RNF216: variants seen among roughly 807,000 people sequenced by gnomAD.
RNF216 encodes E3 ubiquitin-protein ligase RNF216.
In RNF216, 72 loss-of-function variants were observed where a neutral mutation model predicts 110.8. The ratio of observed to expected loss-of-function variants is 0.65; its 90% confidence interval spans 0.54 to 0.79. The LOEUF is 0.79. Ranked by LOEUF, RNF216 falls within the 30% of genes least tolerant of loss-of-function variation. The probability of loss-of-function intolerance (pLI) is 0.00; values close to 1 mark genes in which losing one functional copy is unlikely to be tolerated. For missense variants in RNF216, 1,342 were observed against 1,141.2 expected, an observed-to-expected ratio of 1.18 and a Z score of -2.54; for synonymous variants, 495 against 407.5, an observed-to-expected ratio of 1.21 and a Z score of -2.59.
In RNF216 at chr7:5,623,210, A is replaced by C. The variant is rs1189690374; in HGVS notation, c.2453-31T>G. 2.0e-6 allele frequency: 3 copies of C among 1,522,122 alleles called. No homozygotes were observed. In the Admixed American group the frequency reaches 6.1e-5, roughly 31 times the overall value. 94.3% of individuals were successfully genotyped at this position (1,522,122 alleles called of 1,614,324 possible). The stretch of plus-strand genomic sequence containing the variant: ...AGGGATGTGGGGATTAGTGGAGAAA[A>C]ACATTAAACCAACCTCAATGGAATC... On this transcript the variant is annotated intron_variant, in intron 16 of 16. Coordinates refer to ENST00000389902, the MANE Select transcript of RNF216 (RefSeq NM_207111.4).
intron 15 of RNF216, among the ~76,000 whole-genome samples, chr7:5,634,309 G>A (rs1384070247): frequency 1.3e-5 from 2 of 152,204 alleles, no homozygotes; most frequent in Non-Finnish European, 2.9e-5. Context: ...AGATTCTGGG[G>A]GTGGGTTGGG....
intron 13 of RNF216, among the ~76,000 whole-genome samples, chr7:5,662,978 CT>C (rs1789247725): frequency 1.3e-5 from 2 of 152,158 alleles, no homozygotes; most frequent in South Asian, 4.1e-4. Context: ...CCCACACCCC[CT>C]ATGCCCTCAA....
chr7:5,728,729 G>A (rs1377291531), intron 7 of RNF216, among the ~76,000 whole-genome samples: 2 of 152,178 alleles, frequency 1.3e-5, no homozygotes, highest in African/African-American at 4.8e-5. Context: ...TTTGTCCTTT[G>A]GACAAAAGAA....
At chr7:5,769,406 G>T (rs1035922269) in intron 1 of RNF216, among the ~76,000 whole-genome samples, 3 of 148,036 alleles carry the variant, frequency 2.0e-5, no homozygotes, top group Non-Finnish European at 1.5e-5. Flanking sequence ...GTGAGCCACC[G>T]CGCCTGGCCG....
intron 1 of RNF216, among the ~76,000 whole-genome samples, chr7:5,773,071 T>G (rs1291132365): frequency 6.6e-6 from 1 of 152,026 alleles, no homozygotes; most frequent in Non-Finnish European, 1.5e-5. Flanking sequence ...TGAGCCACCA[T>G]GCCTGGCCCC....
At chr7:5,655,529 C>A (rs1393828729) in intron 13 of RNF216, among the ~76,000 whole-genome samples, 1 of 152,076 alleles carries the variant, frequency 6.6e-6, no homozygotes, top group Admixed American at 6.5e-5. Flanking sequence ...TTGCTTGAAC[C>A]TGGGGGGCGG....
At chr7:5,674,347 T>TG (rs1790129782) in intron 13 of RNF216, among the ~76,000 whole-genome samples, 1 of 151,686 alleles carries the variant, frequency 6.6e-6, no homozygotes, top group East Asian at 1.9e-4. Flanking sequence ...TTAGTACAGA[T>TG]GGGATTTCAC....
chr7:5,694,090 T>G (rs550175437), intron 13 of RNF216, among the ~76,000 whole-genome samples: 5 of 152,182 alleles, frequency 3.3e-5, no homozygotes, highest in African/African-American at 9.7e-5. Flanking sequence ...CCAAGGAAAT[T>G]ATACCACTTA....
chr7:5,630,692 CTGATCACTCTTATA>C (rs1654000649), intron 15 of RNF216, among the ~76,000 whole-genome samples: 1 of 152,162 alleles, frequency 6.6e-6, no homozygotes, highest in South Asian at 2.1e-4. Context: ...TGCACCTGGT[CTGATCACTCTTATA>C]AAGCGCCAAG....
intron 3 of RNF216, 76 bp downstream of exon 3, chr7:5,752,770 A>C: frequency 6.7e-7 from 1 of 1,485,832 alleles, no homozygotes; most frequent in Non-Finnish European, 9.2e-7. Context: ...TTCTACAACA[A>C]GGCCCACAAG....
At position 5,728,582 on chromosome 7, in the gene RNF216, A is replaced by G. The variant is rs1385302762; in HGVS notation, c.1389+850T>C. Reference sequence around the variant, plus strand: ...GAGTGAGACTCCGTCTCAAAAAAAAAAAGAAAAAGAAAAAGAAAAAGAAAA... The same window carrying G: ...GAGTGAGACTCCGTCTCAAAAAAAAGAAGAAAAAGAAAAAGAAAAAGAAAA... On this transcript the variant is annotated intron_variant, in intron 7 of 16. Transcript: ENST00000389902. Among the ~76,000 whole-genome samples, 18 of 151,998 alleles carry G rather than the reference A, an allele frequency of 1.2e-4. No individual in the cohort carries two copies. In the East Asian group the frequency reaches 2.9e-3, roughly 25 times the overall value.
At chr7:5,751,827 T>TAAA (rs3075700) in intron 3 of RNF216, among the ~76,000 whole-genome samples, 2 of 37,296 alleles carry the variant, frequency 5.4e-5, no homozygotes, top group Admixed American at 4.6e-4. Context: ...ATCTTTAAAC[T>TAAA]AAAAAAAAAA....
At chr7:5,625,094 G>T (rs1786625459) in intron 15 of RNF216, among the ~76,000 whole-genome samples, 1 of 152,384 alleles carries the variant, frequency 6.6e-6, no homozygotes, top group Admixed American at 6.5e-5. Context: ...TGGCTGCAGG[G>T]CCAAGGGGCT....
chr7:5,725,320 T>C lies in RNF216; in HGVS notation c.1504+4A>G. On this transcript the variant is annotated splice_donor_region_variant and intron_variant, in intron 8 of 16. Coordinates refer to ENST00000389902, the MANE Select transcript of RNF216 (RefSeq NM_207111.4). ...CACACTGCCACCAACACAGTTTGCATTACCTTGTTCAAACTTGAAATCAAT... is the reference window on the plus strand; with the variant it reads ...CACACTGCCACCAACACAGTTTGCACTACCTTGTTCAAACTTGAAATCAAT... The C allele has an allele frequency of 1.2e-5, 18 of 1,527,232 alleles. No homozygotes were observed. The highest frequency in any genetic ancestry group is 1.5e-5 in the Non-Finnish European group (17 of 1,100,936). The allele number at this position is 1,527,232 out of a possible 1,614,324, so 94.6% of individuals were successfully genotyped here.
At position 5,621,755 on chromosome 7, in the gene RNF216, T is replaced by C. The variant is rs555848298; in HGVS notation, c.*1105A>G. ...AGGCTTCAGACCTCTCATCTGTCAA[T>C]GGGCCAGAGTGATGCCTCAGGCACC... On this transcript the variant is annotated 3_prime_UTR_variant, in exon 17 of 17. Coordinates refer to ENST00000389902, the MANE Select transcript of RNF216 (RefSeq NM_207111.4). 2.0e-5 allele frequency: 3 copies of C among 152,602 alleles called. No individual in the cohort carries two copies. The highest frequency in any genetic ancestry group is 2.1e-4 in the South Asian group (1 of 4,822). The allele number at this position is 152,602 out of a possible 1,614,324, so 9.5% of individuals were successfully genotyped here. A position where few individuals can be genotyped will look rare whatever the true frequency, so the allele number is the denominator to read the frequency against.
chr7:5,712,690 T>C (rs771676531), intron 12 of RNF216, 25 bp downstream of exon 12: 3 of 1,612,976 alleles, frequency 1.9e-6, no homozygotes, highest in African/African-American at 1.3e-5. Flanking sequence ...AGTTGGCAGA[T>C]GGCACGCTCT....
In RNF216 at chr7:5,622,662, T is replaced by G; in HGVS notation, c.*198A>C. On this transcript the variant is annotated 3_prime_UTR_variant, in exon 17 of 17. Coordinates refer to ENST00000389902, the MANE Select transcript of RNF216 (RefSeq NM_207111.4). ...TCGCAGCTCTCTCCGAACTCCACCA[T>G]TTGGGACGTCTTTATTATGGATCCG... 1 of 584,380 alleles carries G rather than the reference T, an allele frequency of 1.7e-6. No homozygotes were observed. Among genetic ancestry groups the G allele is most frequent in the Non-Finnish European group, 3.0e-6 (1 of 333,434 alleles). The allele number at this position is 584,380 out of a possible 1,614,324, so 36.2% of individuals were successfully genotyped here. A position where few individuals can be genotyped will look rare whatever the true frequency, so the allele number is the denominator to read the frequency against.
chr7:5,690,734 G>A (rs866637211), intron 13 of RNF216, among the ~76,000 whole-genome samples: 1 of 151,748 alleles, frequency 6.6e-6, no homozygotes, highest in African/African-American at 2.4e-5. Context: ...TGAAGATCTC[G>A]CCCTTCTCTG....
Position 5,715,142 on chromosome 7 carries a change from C to A in RNF216, c.1744G>T (p.Glu582Ter). ...GCATCTGCGCACTGCGTCAGCTCCT[C>A]GAATGGAAATTCCCCATAGCAGCAG... ...CRCCYGEFPFEELTQCADAHL... is the reference protein window; with the variant it reads ...CRCCYGEFPF The change falls in exon 11 of 17, where the codon GAG becomes TAG. Residue 582 changes from glutamate to a stop codon, truncating the protein, a stop_gained. Coordinates refer to ENST00000389902, the MANE Select transcript of RNF216 (RefSeq NM_207111.4). LOFTEE classifies it high-confidence loss of function. 1.2e-6 allele frequency: 2 copies of A among 1,613,878 alleles called. No homozygotes were observed. The highest frequency in any genetic ancestry group is 1.7e-6 in the Non-Finnish European group (2 of 1,180,014).
Sources: gnomAD v4.1 joint callset for allele counts (sites outside exome capture counted in the v4.1 genomes callset) on GRCh38, gnomAD v4.1.1 for gene constraint, MANE v1.5 for transcripts, NCBI Gene and HGNC (gene_info 2026-07-23, HGNC 2026-07-21) for gene names.